NRG1: variants seen among roughly 807,000 people sequenced by gnomAD.
The protein encoded by NRG1 is pro-neuregulin-1, membrane-bound isoform.
Under a neutral mutation model 63.8 loss-of-function variants are expected in NRG1, and 18 were observed. That is an observed-to-expected ratio of 0.28 (90% confidence interval 0.19 to 0.42). NRG1 has a LOEUF of 0.42. Ranked by LOEUF, NRG1 falls within the 10% of genes least tolerant of loss-of-function variation. NRG1 has a pLI of 1.00. For missense variants in NRG1, 762 were observed against 814.7 expected, an observed-to-expected ratio of 0.94 and a Z score of 0.79; for synonymous variants, 302 against 301.3, an observed-to-expected ratio of 1.00 and a Z score of -0.02.
chr8:32,224,275 C>T (rs540047042), intron 1 of NRG1, among the ~76,000 whole-genome samples: 6 of 152,172 alleles, frequency 3.9e-5, no homozygotes, highest in East Asian at 1.9e-4. Flanking sequence ...GGGGTTTGGT[C>T]GATCGCAGGA....
At chr8:32,202,509 A>G (rs1843597762) in intron 1 of NRG1, among the ~76,000 whole-genome samples, 1 of 152,246 alleles carries the variant, frequency 6.6e-6, no homozygotes, top group East Asian at 1.9e-4. Context: ...AGCTCAGTGA[A>G]AAGTCAGTGT....
chr8:31,790,287 C>A (rs552318962), intron 1 of NRG1, among the ~76,000 whole-genome samples: 194 of 152,122 alleles, frequency 1.3e-3, no homozygotes, highest in Non-Finnish European at 2.1e-3. Context: ...GGACAAGAAA[C>A]TAATATGGGA....
intron 1 of NRG1, among the ~76,000 whole-genome samples, chr8:32,312,784 CCCTTCCTTCCTT>C (rs143478834): frequency 6.6e-6 from 1 of 151,140 alleles, no homozygotes; most frequent in Admixed American, 6.6e-5. Context: ...CTCTCTCCTT[CCCTTCCTTCCTT>C]CCTTCCTTCC....
At position 31,702,890 on chromosome 8, in the gene NRG1, A is replaced by G. The variant is rs541506195; in HGVS notation, c.37+63459A>G. The stretch of plus-strand genomic sequence containing the variant: ...ATGTACATTGTCTATTATTAGTAAC[A>G]TTTCTCAAATTGTTTACAAGGCCTG... On this transcript the variant is annotated intron_variant, in intron 1 of 10. Coordinates refer to the NRG1 transcript ENST00000519301. Among the ~76,000 whole-genome samples the G allele has an allele frequency of 4.6e-5, 7 of 152,078 alleles. No homozygotes were observed. The East Asian group carries it at 1.2e-3, about 25-fold the overall frequency.
intron 1 of NRG1, among the ~76,000 whole-genome samples, chr8:32,334,143 G>GT (rs945156829): frequency 9.2e-5 from 14 of 152,040 alleles, no homozygotes; most frequent in South Asian, 4.1e-4. Flanking sequence ...TTACAAGACT[G>GT]TTTTTTTCTT....
At chr8:32,563,675 T>C (rs1257591121) in intron 1 of NRG1, among the ~76,000 whole-genome samples, 1 of 152,132 alleles carries the variant, frequency 6.6e-6, no homozygotes, top group Non-Finnish European at 1.5e-5. Flanking sequence ...TTCAGAATAA[T>C]TTTTCCTCAG....
intron 1 of NRG1, among the ~76,000 whole-genome samples, chr8:31,913,367 A>G (rs1833106587): frequency 6.6e-6 from 1 of 152,176 alleles, no homozygotes; most frequent in African/African-American, 2.4e-5. Flanking sequence ...CATATGCCAT[A>G]TTTCTTTACA....
At position 32,372,042 on chromosome 8, in the gene NRG1, G is replaced by A. The variant is rs541064275; in HGVS notation, c.38-223786G>A. Reference sequence around the variant, plus strand: ...TGTGCCATGTCACCCAGGCTGGAGTGCAATTGTGCGATCATGACTGACTGT... The same window carrying A: ...TGTGCCATGTCACCCAGGCTGGAGTACAATTGTGCGATCATGACTGACTGT... On this transcript the variant is annotated intron_variant, in intron 1 of 10. Coordinates refer to the NRG1 transcript ENST00000519301. Among the ~76,000 whole-genome samples the A allele has an allele frequency of 1.1e-3, 156 of 138,318 alleles. 3 individuals carry two copies. The South Asian group carries it at 0.03, about 27-fold the overall frequency. The allele number at this position is 138,318 out of a possible 152,430, so 90.7% of individuals were successfully genotyped here.
chr8:32,464,286 C>G (rs550557459), intron 1 of NRG1, among the ~76,000 whole-genome samples: 211 of 134,426 alleles, frequency 1.6e-3, no homozygotes, highest in African/African-American at 5.7e-3. Flanking sequence ...CCCACCCCCC[C>G]CCACCCCACC....
intron 1 of NRG1, among the ~76,000 whole-genome samples, chr8:32,199,880 T>C (rs1843329194): frequency 6.6e-6 from 1 of 152,096 alleles, no homozygotes; most frequent in Admixed American, 6.6e-5. Context: ...CCTGGGTTCA[T>C]GTGATTCTAC....
At chr8:32,313,978 C>T (rs1857094884) in intron 1 of NRG1, among the ~76,000 whole-genome samples, 1 of 152,114 alleles carries the variant, frequency 6.6e-6, no homozygotes, top group Admixed American at 6.5e-5. Flanking sequence ...CTACTTTTGG[C>T]ACCTCCCAAT....
intron 5 of NRG1, among the ~76,000 whole-genome samples, chr8:32,673,107 G>T (rs1390441402): frequency 6.6e-6 from 1 of 152,122 alleles, no homozygotes; most frequent in Admixed American, 6.5e-5. Context: ...CTTTCAAATG[G>T]TTTGGTGTCA....
intron 1 of NRG1, among the ~76,000 whole-genome samples, chr8:31,892,074 A>G (rs1232053721): frequency 6.6e-6 from 1 of 152,104 alleles, no homozygotes; most frequent in Non-Finnish European, 1.5e-5. Context: ...TTTCTTGACT[A>G]TGAGTGTCAA....
intron 1 of NRG1, among the ~76,000 whole-genome samples, chr8:32,271,186 T>C (rs1325021576): frequency 6.6e-6 from 1 of 152,136 alleles, no homozygotes; most frequent in Non-Finnish European, 1.5e-5. Context: ...TGAATATATA[T>C]GCCACAGGCT....
chr8:32,025,944 T>TA (rs71208160), intron 1 of NRG1, among the ~76,000 whole-genome samples: 44,953 of 113,174 alleles, frequency 0.4, 8,897 homozygotes, highest in East Asian at 0.65. Context: ...AGACTCCGTC[T>TA]AAAAAAAAAA....
At chr8:31,919,976 G>A (rs968335017) in intron 1 of NRG1, among the ~76,000 whole-genome samples, 12 of 152,128 alleles carry the variant, frequency 7.9e-5, no homozygotes, top group African/African-American at 2.9e-4. Flanking sequence ...TCAACCCACA[G>A]ATTTTTTGTC....
intron 6 of NRG1, among the ~76,000 whole-genome samples, chr8:32,739,744 T>C (rs1825897550): frequency 6.6e-6 from 1 of 152,170 alleles, no homozygotes; most frequent in African/African-American, 2.4e-5. Flanking sequence ...TCCTTAGCTA[T>C]TTGTTAATTT....
intron 1 of NRG1, among the ~76,000 whole-genome samples, chr8:32,378,073 C>A (rs986509197): frequency 6.6e-6 from 1 of 151,920 alleles, no homozygotes; most frequent in Non-Finnish European, 1.5e-5. Context: ...AGAGGAGGGC[C>A]GCTTGTGGCT....
At chr8:32,031,336 G>A (rs1183164612) in intron 1 of NRG1, among the ~76,000 whole-genome samples, 1 of 152,192 alleles carries the variant, frequency 6.6e-6, no homozygotes, top group African/African-American at 2.4e-5. Flanking sequence ...TATAACTGAA[G>A]CTTCTCCTGG....
Sources: allele counts gnomAD v4.1 joint callset (sites outside exome capture counted in the v4.1 genomes callset), GRCh38; gene constraint gnomAD v4.1.1; transcripts MANE v1.5; gene names NCBI Gene and HGNC (gene_info 2026-07-23, HGNC 2026-07-21).